The following TBC1D22A variants were observed in gnomAD, a reference collection of about 807,000 sequenced individuals.
The protein encoded by TBC1D22A is TBC1 domain family member 22A.
A neutral mutation model predicts 60.2 loss-of-function variants in TBC1D22A; 38 were observed. The observed-to-expected ratio is 0.63, with a 90% CI of 0.49 to 0.83. The LOEUF is 0.83. TBC1D22A is among the 40% of genes least tolerant of loss of function. The pLI is 0.00. For missense variants in TBC1D22A, 628 were observed against 701.0 expected, an observed-to-expected ratio of 0.90 and a Z score of 1.18; for synonymous variants, 302 against 281.7, an observed-to-expected ratio of 1.07 and a Z score of -0.72.
intron 12 of TBC1D22A, among the ~76,000 whole-genome samples, chr22:47,157,029 T>C (rs1569476879): frequency 2.0e-5 from 3 of 152,196 alleles, no homozygotes; most frequent in Admixed American, 6.5e-5. Context: ...CTGGGCCCTA[T>C]GGAGGGGCAG....
chr22:46,779,389 C>CT (rs995612840), intron 1 of TBC1D22A, among the ~76,000 whole-genome samples: 26 of 151,770 alleles, frequency 1.7e-4, no homozygotes, highest in African/African-American at 5.6e-4. Flanking sequence ...TTCTTTCTTT[C>CT]TTTTTTTTAA....
intron 5 of TBC1D22A, among the ~76,000 whole-genome samples, chr22:46,885,931 G>C (rs1274997845): frequency 6.8e-6 from 1 of 148,102 alleles, no homozygotes; most frequent in African/African-American, 2.5e-5. Context: ...TTTTTGAGGC[G>C]GAGTCTCACT....
chr22:46,994,640 A>G (rs1696727883), intron 9 of TBC1D22A, among the ~76,000 whole-genome samples: 1 of 152,204 alleles, frequency 6.6e-6, no homozygotes, highest in Admixed American at 6.5e-5. Context: ...TCGGAATAGG[A>G]CATTCATTAA....
chr22:46,978,927 C>T (rs1195865208), intron 9 of TBC1D22A, among the ~76,000 whole-genome samples: 1 of 152,140 alleles, frequency 6.6e-6, no homozygotes, highest in East Asian at 1.9e-4. Context: ...TTTTAATAGC[C>T]TTTTCAGGTA....
intron 5 of TBC1D22A, among the ~76,000 whole-genome samples, chr22:46,885,830 ACC>A (rs2068084187): frequency 6.6e-6 from 1 of 151,270 alleles, no homozygotes; most frequent in Non-Finnish European, 1.5e-5. Flanking sequence ...TTAAATAATC[ACC>A]CGGAAGGCAC....
At chr22:47,014,825 C>T (rs1045564310) in intron 10 of TBC1D22A, among the ~76,000 whole-genome samples, 7 of 152,214 alleles carry the variant, frequency 4.6e-5, no homozygotes, top group African/African-American at 1.4e-4. Context: ...CAGTCTCTAG[C>T]TGTTGCCATG....
chr22:47,137,270 A>C (rs1440256938), intron 12 of TBC1D22A, among the ~76,000 whole-genome samples: 1 of 152,146 alleles, frequency 6.6e-6, no homozygotes, highest in African/African-American at 2.4e-5. Flanking sequence ...TGATCTTTTA[A>C]TTCCTCATGC....
intron 1 of TBC1D22A, among the ~76,000 whole-genome samples, chr22:46,773,341 T>A (rs1201339475): frequency 1.3e-5 from 2 of 152,218 alleles, no homozygotes; most frequent in East Asian, 3.8e-4. Flanking sequence ...GGGGAGCGTG[T>A]CTGTGTGCGG....
chr22:47,092,510 G>A (rs2065017254), intron 11 of TBC1D22A, among the ~76,000 whole-genome samples: 1 of 152,174 alleles, frequency 6.6e-6, no homozygotes, highest in South Asian at 2.1e-4. Context: ...CACCTTGCAT[G>A]CATGCCCTGG....
intron 11 of TBC1D22A, among the ~76,000 whole-genome samples, chr22:47,104,777 C>T (rs1000829928): frequency 1.1e-4 from 17 of 151,852 alleles, no homozygotes; most frequent in African/African-American, 3.6e-4. Context: ...TTCAAAAGAA[C>T]CTTGGTCTCC....
intron 12 of TBC1D22A, among the ~76,000 whole-genome samples, chr22:47,169,075 A>G (rs188396921): frequency 6.6e-6 from 1 of 152,278 alleles, no homozygotes; most frequent in East Asian, 1.9e-4. Flanking sequence ...AGTGTGGTCC[A>G]CTGCTGTGTG....
At chr22:46,971,160 CCAT>C (rs2074040427) in intron 8 of TBC1D22A, among the ~76,000 whole-genome samples, 1 of 152,152 alleles carries the variant, frequency 6.6e-6, no homozygotes, top group Non-Finnish European at 1.5e-5. Context: ...AACAAATGGC[CCAT>C]TGTGAGAAAT....
At chr22:47,109,388 A>G (rs1338904832) in intron 11 of TBC1D22A, among the ~76,000 whole-genome samples, 1 of 152,202 alleles carries the variant, frequency 6.6e-6, no homozygotes, top group Non-Finnish European at 1.5e-5. Context: ...CTGTTGATGA[A>G]CTTTATTTAG....
At chr22:46,941,418 A>AATATATATACACGGAATAT (rs199956302) in intron 8 of TBC1D22A, among the ~76,000 whole-genome samples, 1 of 82,870 alleles carries the variant, frequency 1.2e-5, no homozygotes, top group African/African-American at 4.5e-5. Flanking sequence ...ATATATACGG[A>AATATATATACACGGAATAT]ATATACACGG....
chr22:47,165,328 T>G (rs1381870918), intron 12 of TBC1D22A, among the ~76,000 whole-genome samples: 1 of 152,154 alleles, frequency 6.6e-6, no homozygotes, highest in Non-Finnish European at 1.5e-5. Context: ...TGCCTGCAAC[T>G]CTTGCAGATA....
intron 7 of TBC1D22A, among the ~76,000 whole-genome samples, chr22:46,898,124 C>T (rs2068782583): frequency 6.6e-6 from 1 of 152,074 alleles, no homozygotes; most frequent in African/African-American, 2.4e-5. Flanking sequence ...TGCCACAGGA[C>T]CTTTGGTTTA....
chr22:46,814,592 C>T (rs568290877), intron 4 of TBC1D22A, among the ~76,000 whole-genome samples: 16 of 152,218 alleles, frequency 1.1e-4, no homozygotes, highest in South Asian at 4.1e-4. Flanking sequence ...TTCCTTTTCA[C>T]GTAGACTTGA....
chr22:47,071,418 G>A (rs2063982699), intron 11 of TBC1D22A, among the ~76,000 whole-genome samples: 1 of 152,190 alleles, frequency 6.6e-6, no homozygotes, highest in African/African-American at 2.4e-5. Flanking sequence ...TGGTGGAAGT[G>A]CAGGCCCCTC....
chr22:46,797,406 GCGCCCT>G (rs938327697), intron 3 of TBC1D22A, 32 bp from the exon 4 acceptor site: 1 of 1,608,108 alleles, frequency 6.2e-7, no homozygotes. Flanking sequence ...GTCGGGAGGA[GCGCCCT>G]CACCCTCACC....
Sources: gnomAD v4.1 joint callset for allele counts (sites outside exome capture counted in the v4.1 genomes callset) on GRCh38, gnomAD v4.1.1 for gene constraint, MANE v1.5 for transcripts, NCBI Gene and HGNC (gene_info 2026-07-23, HGNC 2026-07-21) for gene names.